Variants in CFAP44 observed in about 807,000 individuals in gnomAD.
The protein encoded by CFAP44 is cilia and flagella associated protein 44.
A neutral mutation model predicts 216.2 loss-of-function variants in CFAP44; 134 were observed. The observed-to-expected ratio is 0.62, with a 90% confidence interval of 0.54 to 0.72. The LOEUF is 0.72. CFAP44 is among the 30% of genes least tolerant of loss of function. The pLI is 0.00. For synonymous variants in CFAP44, 700 were observed against 727.6 expected (o/e 0.96, Z 0.61); for missense variants, 2,035 against 2,182.1 (o/e 0.93, Z 1.34).
At chr3:113,417,906 T>C (rs1192535041) in intron 5 of CFAP44, among the ~76,000 whole-genome samples, 1 of 152,108 alleles carries the variant, frequency 6.6e-6, no homozygotes. Context: ...GTGTAGAACA[T>C]ATGGTCAAAG....
chr3:113,411,186 T>C (rs991220938), intron 6 of CFAP44, among the ~76,000 whole-genome samples: 11 of 152,228 alleles, frequency 7.2e-5, no homozygotes, highest in African/African-American at 2.4e-4. Flanking sequence ...TTTGTTGCCA[T>C]TGCTTTTGGT....
intron 24 of CFAP44, among the ~76,000 whole-genome samples, chr3:113,336,032 C>T (rs545697859): frequency 6.6e-6 from 1 of 152,192 alleles, no homozygotes; most frequent in African/African-American, 2.4e-5. Context: ...TAATAAATGT[C>T]TACCATATGA....
chr3:113,330,704 C>A (rs1950234268), intron 25 of CFAP44, 36 bp from the exon 26 acceptor site: 2 of 1,494,284 alleles, frequency 1.3e-6, no homozygotes, highest in African/African-American at 1.4e-5. Flanking sequence ...AACAGTACAA[C>A]CCTCTGACAA....
At chr3:113,400,794 T>C (rs1934120706) in intron 11 of CFAP44, 150 bp from the exon 12 acceptor site, 1 of 710,992 alleles carries the variant, frequency 1.4e-6, no homozygotes, top group East Asian at 3.2e-5. Flanking sequence ...GAAAGAACAC[T>C]GGTTCAGAAT....
intron 25 of CFAP44, 144 bp from the exon 26 acceptor site, chr3:113,330,812 G>T (rs773431003): frequency 1.7e-6 from 2 of 1,195,844 alleles, no homozygotes; most frequent in Non-Finnish European, 2.2e-6. Flanking sequence ...TTACCACCAA[G>T]TTTCCCTTTT....
chr3:113,350,623 C>T (rs1576563033), intron 22 of CFAP44, among the ~76,000 whole-genome samples: 2 of 152,222 alleles, frequency 1.3e-5, no homozygotes, highest in East Asian at 3.8e-4. Context: ...AGCACTGAGG[C>T]CACTGACAAC....
chr3:113,379,653 C>A, intron 16 of CFAP44, 102 bp from the exon 17 acceptor site: 1 of 843,288 alleles, frequency 1.2e-6, no homozygotes, highest in East Asian at 2.9e-5. Flanking sequence ...ATACACAGCT[C>A]TGTAACAAAT....
At chr3:113,387,720 G>A (rs1012254199) in intron 15 of CFAP44, among the ~76,000 whole-genome samples, 1 of 152,054 alleles carries the variant, frequency 6.6e-6, no homozygotes, top group Non-Finnish European at 1.5e-5. Context: ...CTTGGGCACA[G>A]TGGAATAGAG....
chr3:113,327,541 G>A, intron 27 of CFAP44, 75 bp downstream of exon 27: 1 of 1,339,006 alleles, frequency 7.5e-7, no homozygotes, highest in South Asian at 1.4e-5. Flanking sequence ...GGAGATTTGA[G>A]TTAAGAAGAA....
chr3:113,300,079 T>A (rs1949920029), intron 32 of CFAP44, among the ~76,000 whole-genome samples: 1 of 152,162 alleles, frequency 6.6e-6, no homozygotes, highest in East Asian at 1.9e-4. Flanking sequence ...GGATCTGAAG[T>A]CATTACATTA....
At chr3:113,341,535 G>A (rs1157077712) in intron 24 of CFAP44, among the ~76,000 whole-genome samples, 3 of 152,076 alleles carry the variant, frequency 2.0e-5, no homozygotes, top group Non-Finnish European at 4.4e-5. Context: ...TCCTGGACCG[G>A]AAACTCTAAG....
intron 15 of CFAP44, among the ~76,000 whole-genome samples, chr3:113,393,609 A>G (rs1933904796): frequency 6.6e-6 from 1 of 152,144 alleles, no homozygotes; most frequent in African/African-American, 2.4e-5. Flanking sequence ...GGCACACTGC[A>G]GCCTCAAGCG....
At chr3:113,381,727 T>A (rs1206498638) in intron 15 of CFAP44, among the ~76,000 whole-genome samples, 1 of 152,252 alleles carries the variant, frequency 6.6e-6, no homozygotes, top group Non-Finnish European at 1.5e-5. Flanking sequence ...AAATGTTTAT[T>A]CATTTGGTTA....
chr3:113,352,929 G>T (rs1484360170), intron 22 of CFAP44, among the ~76,000 whole-genome samples: 2 of 152,214 alleles, frequency 1.3e-5, no homozygotes, highest in African/African-American at 4.8e-5. Context: ...TAGCTAGCTA[G>T]GTTCTTGTTA....
At chr3:113,428,370 G>A (rs1350435658) in intron 2 of CFAP44, among the ~76,000 whole-genome samples, 1 of 152,316 alleles carries the variant, frequency 6.6e-6, no homozygotes, top group East Asian at 1.9e-4. Flanking sequence ...AAAAAATAAT[G>A]GGTATTCTGA....
chr3:113,359,100 A>AT (rs565564281), intron 21 of CFAP44, among the ~76,000 whole-genome samples: 149 of 152,296 alleles, frequency 9.8e-4, no homozygotes, highest in African/African-American at 3.5e-3. Flanking sequence ...ACAGTTTAAG[A>AT]TTTTTTCCCA....
intron 11 of CFAP44, 121 bp from the exon 12 acceptor site, chr3:113,400,765 GAAAAAGCCT>G (rs1934119937): frequency 1.1e-6 from 1 of 934,200 alleles, no homozygotes; most frequent in African/African-American, 1.7e-5. Context: ...ATAGAAATAA[GAAAAAGCCT>G]AAAAAGTTAG....
intron 22 of CFAP44, among the ~76,000 whole-genome samples, chr3:113,351,994 A>G (rs753775673): frequency 6.6e-6 from 1 of 151,980 alleles, no homozygotes; most frequent in African/African-American, 2.4e-5. Flanking sequence ...CTTCACCCCT[A>G]CCCAGCAGGA....
intron 32 of CFAP44, among the ~76,000 whole-genome samples, chr3:113,299,299 G>A (rs1259127704): frequency 6.6e-6 from 1 of 152,118 alleles, no homozygotes; most frequent in African/African-American, 2.4e-5. Flanking sequence ...ATGGCAAACA[G>A]GTACATGAAA....
Sources: allele counts gnomAD v4.1 joint callset (sites outside exome capture counted in the v4.1 genomes callset), GRCh38; gene constraint gnomAD v4.1.1; transcripts MANE v1.5; gene names NCBI Gene and HGNC (gene_info 2026-07-23, HGNC 2026-07-21).